The following CNBD1 variants were observed in gnomAD, a reference collection of about 807,000 sequenced individuals.
The protein encoded by CNBD1 is cyclic nucleotide-binding domain-containing protein 1.
CNBD1 carries 71 observed loss-of-function variants against 54.4 expected under a neutral mutation model. The ratio of observed to expected loss-of-function variants is 1.30; its 90% CI spans 1.08 to 1.59. The LOEUF (loss-of-function observed/expected upper bound fraction) is 1.59. Ranked by LOEUF, CNBD1 falls within the 40% of genes most tolerant of loss-of-function variation. CNBD1 has a pLI of 0.00. For missense variants in CNBD1, 659 were observed against 518.0 expected (o/e 1.27, Z -2.64); for synonymous variants, 182 against 170.7 (o/e 1.07, Z -0.51).
intron 4 of CNBD1, among the ~76,000 whole-genome samples, chr8:87,142,815 T>C (rs1249757860): frequency 6.6e-6 from 1 of 152,166 alleles, no homozygotes; most frequent in African/African-American, 2.4e-5. Context: ...CTTGGCTGTT[T>C]GGCCAGTTTT....
At chr8:87,329,108 A>G (rs906085117) in intron 8 of CNBD1, among the ~76,000 whole-genome samples, 3 of 151,888 alleles carry the variant, frequency 2.0e-5, no homozygotes, top group African/African-American at 4.8e-5. Flanking sequence ...TGAAAAGTAT[A>G]TGGTCTTTGT....
intron 3 of CNBD1, among the ~76,000 whole-genome samples, chr8:86,933,982 T>A (rs1053852015): frequency 1.3e-5 from 2 of 152,166 alleles, no homozygotes; most frequent in Non-Finnish European, 2.9e-5. Flanking sequence ...TCTATTCATA[T>A]ATTGTACAGT....
intron 4 of CNBD1, among the ~76,000 whole-genome samples, chr8:87,005,345 G>A (rs1345845113): frequency 6.6e-6 from 1 of 151,810 alleles, no homozygotes; most frequent in Non-Finnish European, 1.5e-5. Context: ...ACTCCAGCCT[G>A]GGCAACAGAG....
chr8:87,262,257 A>G (rs563478176), intron 6 of CNBD1, among the ~76,000 whole-genome samples: 12 of 152,310 alleles, frequency 7.9e-5, no homozygotes, highest in African/African-American at 2.9e-4. Flanking sequence ...GAATGTTAAA[A>G]ACATAAGATT....
chr8:87,216,068 T>G (rs1251286946), intron 5 of CNBD1, among the ~76,000 whole-genome samples: 1 of 152,236 alleles, frequency 6.6e-6, no homozygotes, highest in Non-Finnish European at 1.5e-5. Flanking sequence ...TCATTGTACC[T>G]CATGAGCTGT....
At chr8:87,195,385 C>T (rs1371452711) in intron 4 of CNBD1, among the ~76,000 whole-genome samples, 1 of 151,556 alleles carries the variant, frequency 6.6e-6, no homozygotes, top group East Asian at 2.0e-4. Flanking sequence ...CATGCCATCA[C>T]ACCTGGCTAA....
At chr8:87,356,968 C>T (rs1174569332) in intron 10 of CNBD1, among the ~76,000 whole-genome samples, 2 of 152,176 alleles carry the variant, frequency 1.3e-5, no homozygotes, top group Non-Finnish European at 2.9e-5. Flanking sequence ...TGAGCAGAGC[C>T]ATCCTGGGCT....
chr8:86,941,076 A>T, intron 4 of CNBD1, among the ~76,000 whole-genome samples: 1 of 152,200 alleles, frequency 6.6e-6, no homozygotes. Flanking sequence ...CATGACTATG[A>T]TTGCAAATTT....
chr8:86,977,223 GT>G (rs1174761944), intron 4 of CNBD1, among the ~76,000 whole-genome samples: 1 of 151,862 alleles, frequency 6.6e-6, no homozygotes, highest in Non-Finnish European at 1.5e-5. Flanking sequence ...AATTCTTTGG[GT>G]TTCCTGGATC....
intron 4 of CNBD1, among the ~76,000 whole-genome samples, chr8:87,038,484 T>C (rs1375713963): frequency 6.6e-6 from 1 of 151,954 alleles, no homozygotes; most frequent in African/African-American, 2.4e-5. Flanking sequence ...AACTGGTGGG[T>C]CTGGGTGAAG....
At chr8:87,341,238 A>G (rs1355475884) in intron 8 of CNBD1, among the ~76,000 whole-genome samples, 1 of 152,068 alleles carries the variant, frequency 6.6e-6, no homozygotes, top group Non-Finnish European at 1.5e-5. Flanking sequence ...GAGAAGCAGA[A>G]TGCTTCCCAG....
At chr8:86,959,832 T>A (rs928950376) in intron 4 of CNBD1, among the ~76,000 whole-genome samples, 28 of 152,194 alleles carry the variant, frequency 1.8e-4, no homozygotes, top group Non-Finnish European at 1.5e-5. Context: ...TTATTACTGA[T>A]CATCTGAAGC....
At chr8:87,337,713 G>A (rs1161891980) in intron 8 of CNBD1, among the ~76,000 whole-genome samples, 1 of 152,178 alleles carries the variant, frequency 6.6e-6, no homozygotes, top group Non-Finnish European at 1.5e-5. Context: ...CTGGGGGTGG[G>A]GGCTCTCAGG....
intron 8 of CNBD1, among the ~76,000 whole-genome samples, chr8:87,292,335 G>A (rs1476630098): frequency 1.3e-5 from 2 of 152,310 alleles, no homozygotes; most frequent in East Asian, 1.9e-4. Flanking sequence ...ATTAAGGACA[G>A]CAATAGTTAA....
chr8:87,291,006 T>C (rs1461147329), intron 8 of CNBD1, among the ~76,000 whole-genome samples: 1 of 152,160 alleles, frequency 6.6e-6, no homozygotes, highest in East Asian at 1.9e-4. Context: ...ATTACTAATC[T>C]CTCTGTTTCT....
intron 6 of CNBD1, among the ~76,000 whole-genome samples, chr8:87,278,468 C>G (rs554136391): frequency 6.6e-6 from 1 of 151,398 alleles, no homozygotes. Context: ...TTAATGAACT[C>G]GTAACAAATA....
intron 4 of CNBD1, among the ~76,000 whole-genome samples, chr8:86,993,106 G>A (rs541391419): frequency 5.3e-5 from 8 of 151,610 alleles, no homozygotes; most frequent in Non-Finnish European, 1.2e-4. Flanking sequence ...TTGTAGGTTT[G>A]GTCTCTTTAT....
intron 4 of CNBD1, among the ~76,000 whole-genome samples, chr8:87,126,213 A>G (rs191437822): frequency 6.6e-6 from 1 of 152,044 alleles, no homozygotes; most frequent in East Asian, 1.9e-4. Context: ...AGTTTCTCCT[A>G]TGGCAAGTGT....
At chr8:87,366,894 C>T (rs1810653250) in intron 10 of CNBD1, among the ~76,000 whole-genome samples, 1 of 152,054 alleles carries the variant, frequency 6.6e-6, no homozygotes, top group South Asian at 2.1e-4. Flanking sequence ...ATGTGTTTGA[C>T]AGTTGTTTCA....
Sources: gnomAD v4.1 joint callset for allele counts (sites outside exome capture counted in the v4.1 genomes callset) on GRCh38, gnomAD v4.1.1 for gene constraint, MANE v1.5 for transcripts, NCBI Gene and HGNC (gene_info 2026-07-23, HGNC 2026-07-21) for gene names.